ZFX: variants seen among roughly 807,000 people sequenced by gnomAD.
ZFX encodes the protein zinc finger protein X-linked.
For synonymous variants in ZFX, 196 were observed against 226.8 expected, an observed-to-expected ratio of 0.86 and a Z score of 1.22; for missense variants, 362 against 628.3, an observed-to-expected ratio of 0.58 and a Z score of 4.53.
At chrX:24,195,463 C>G (rs1936853688) in intron 5 of ZFX, among the ~76,000 whole-genome samples, 1 of 110,882 alleles carries the variant, frequency 9.0e-6, no homozygotes, top group African/African-American at 3.3e-5. Context: ...CGCCATTCTC[C>G]TGCCTCAGCC....
At chrX:24,158,983 C>T (rs1360765799) in intron 3 of ZFX, among the ~76,000 whole-genome samples, 1 of 109,224 alleles carries the variant, frequency 9.2e-6, no homozygotes, top group African/African-American at 3.3e-5. Flanking sequence ...GTCCATTAAT[C>T]TTCTATTTTA....
intron 4 of ZFX, chrX:24,177,592 C>A: frequency 2.2e-6 from 1 of 459,226 alleles, no homozygotes; most frequent in Non-Finnish European, 2.7e-6. Context: ...TCCTATCAGT[C>A]TCCAGAGCCT....
At chrX:24,184,143 A>G (rs1449101582) in intron 5 of ZFX, among the ~76,000 whole-genome samples, 1 of 111,688 alleles carries the variant, frequency 9.0e-6, no homozygotes, top group Non-Finnish European at 1.9e-5. Context: ...TGCAAAATCC[A>G]CAAAAGTCTG....
At chrX:24,152,273 C>A (rs940606207) in intron 2 of ZFX, among the ~76,000 whole-genome samples, 25 of 109,626 alleles carry the variant, frequency 2.3e-4, no homozygotes, top group African/African-American at 8.3e-4. Flanking sequence ...GTAGCTGGGA[C>A]TACAGGACCC....
rs750036944 is a variant in ZFX at position 24,208,272 on chromosome X, A to ATGC, written c.999_1001dup (p.Ala341dup). ...ATGGAAGTGATCGTAGGAGAGGAGGATGCTGCAGCAGCAGCGGCAGCCGCC... is the reference window on the plus strand; with the variant it reads ...ATGGAAGTGATCGTAGGAGAGGAGGATGCTGCTGCAGCAGCAGCGGCAGCCGCC... On this transcript the variant is annotated inframe_insertion, in exon 8 of 10. Transcript: ENST00000304543. The ATGC allele has an allele frequency of 2.7e-4, 323 of 1,210,556 alleles. 2 individuals are homozygous for ATGC. The Middle Eastern group carries it at 5.7e-3, about 22-fold the overall frequency.
intron 3 of ZFX, among the ~76,000 whole-genome samples, chrX:24,164,940 GAAA>G (rs747389861): frequency 2.4e-5 from 2 of 81,810 alleles, no homozygotes; most frequent in African/African-American, 4.5e-5. Context: ...AACTCCGTCT[GAAA>G]AAAAAAAAAA....
intron 5 of ZFX, among the ~76,000 whole-genome samples, chrX:24,181,279 T>C (rs1174183026): frequency 8.9e-6 from 1 of 112,080 alleles, no homozygotes; most frequent in Non-Finnish European, 1.9e-5. Context: ...TGTGAGACAT[T>C]GTTGTAGGTA....
intron 3 of ZFX, among the ~76,000 whole-genome samples, chrX:24,163,300 C>T (rs1477300958): frequency 4.6e-5 from 3 of 65,276 alleles, no homozygotes; most frequent in Admixed American, 2.2e-4. Flanking sequence ...ATCATATTTG[C>T]GGATACTTGA....
intron 5 of ZFX, among the ~76,000 whole-genome samples, chrX:24,205,078 T>C (rs187663255): frequency 8.9e-6 from 1 of 112,147 alleles, no homozygotes; most frequent in East Asian, 2.8e-4. Context: ...AAAACAGATA[T>C]GTCTAGCAGA....
chrX:24,173,416 A>G (rs1934819214), intron 4 of ZFX, among the ~76,000 whole-genome samples: 2 of 111,408 alleles, frequency 1.8e-5, no homozygotes, highest in Admixed American at 9.6e-5. Context: ...CAAGTTCCCA[A>G]AAAGAGACTT....
chrX:24,193,457 A>T (rs939884431), intron 5 of ZFX, among the ~76,000 whole-genome samples: 1 of 111,702 alleles, frequency 9.0e-6, no homozygotes, highest in African/African-American at 3.3e-5. Flanking sequence ...CCTGACTGCT[A>T]ATGGGTATGG....
intron 4 of ZFX, among the ~76,000 whole-genome samples, chrX:24,175,679 G>C (rs1391989395): frequency 9.0e-6 from 1 of 111,175 alleles, no homozygotes; most frequent in African/African-American, 3.3e-5. Context: ...CCCTGGTTCA[G>C]GTGATTCTCC....
At chrX:24,153,543 A>T (rs1054671870) in intron 3 of ZFX, among the ~76,000 whole-genome samples, 10 of 111,279 alleles carry the variant, frequency 9.0e-5, no homozygotes, top group African/African-American at 3.3e-4. Flanking sequence ...ACCTGTCTTC[A>T]CTTTCTTTGC....
chrX:24,185,826 G>A (rs1303367980), intron 5 of ZFX, among the ~76,000 whole-genome samples: 1 of 110,952 alleles, frequency 9.0e-6, no homozygotes, highest in Non-Finnish European at 1.9e-5. Flanking sequence ...AACACTTTGG[G>A]AAGCCGAGAT....
At chrX:24,175,706 G>A (rs1935062360) in intron 4 of ZFX, among the ~76,000 whole-genome samples, 1 of 111,199 alleles carries the variant, frequency 9.0e-6, no homozygotes, top group Non-Finnish European at 1.9e-5. Flanking sequence ...AGCCTCCCAA[G>A]TAGCTGAGAT....
At chrX:24,183,438 C>T (rs1415870482) in intron 5 of ZFX, among the ~76,000 whole-genome samples, 4 of 111,608 alleles carry the variant, frequency 3.6e-5, no homozygotes, top group East Asian at 5.7e-4. Flanking sequence ...CCACCCGCCT[C>T]GGCCTCCCAA....
At chrX:24,176,768 C>T (rs937999268) in intron 4 of ZFX, among the ~76,000 whole-genome samples, 3 of 110,142 alleles carry the variant, frequency 2.7e-5, no homozygotes, top group Non-Finnish European at 5.7e-5. Flanking sequence ...CTGTGTATTT[C>T]TCTGAGGGCC....
Position 24,172,720 on chromosome X carries a change from G to T in ZFX, c.-23G>T. 1 of 1,170,515 alleles carries T rather than the reference G, an allele frequency of 8.5e-7. No homozygotes were observed. Among genetic ancestry groups the T allele is most frequent in the Non-Finnish European group, 1.1e-6 (1 of 878,375 alleles). ...TACTTTTTTCCCTGATTTAGGAGCTGTGACTGATGAGAATTAAAGGCCATG... is the reference window on the plus strand; with the variant it reads ...TACTTTTTTCCCTGATTTAGGAGCTTTGACTGATGAGAATTAAAGGCCATG... On this transcript the variant is annotated 5_prime_UTR_variant, in exon 4 of 10. Coordinates refer to ENST00000304543, the MANE Select transcript of ZFX (RefSeq NM_003410.4).
chrX:24,188,753 G>A (rs1326731833), intron 5 of ZFX, among the ~76,000 whole-genome samples: 1 of 112,206 alleles, frequency 8.9e-6, no homozygotes, highest in Non-Finnish European at 1.9e-5. Flanking sequence ...CGCAAGGTAA[G>A]AGCGAATTCA....
Sources: gnomAD v4.1 joint callset for allele counts (sites outside exome capture counted in the v4.1 genomes callset) on GRCh38, gnomAD v4.1.1 for gene constraint, MANE v1.5 for transcripts, NCBI Gene and HGNC (gene_info 2026-07-23, HGNC 2026-07-21) for gene names.